CFAP58: variants seen among roughly 807,000 people sequenced by gnomAD.
CFAP58 encodes the protein cilia and flagella associated protein 58, also known as cilia- and flagella-associated protein 58.
In CFAP58, 88 loss-of-function variants were observed where a neutral mutation model predicts 119.5. The ratio of observed to expected loss-of-function variants is 0.74; its 90% CI spans 0.62 to 0.88. The LOEUF (loss-of-function observed/expected upper bound fraction) is 0.88, where lower values mean the gene tolerates loss of function less well. Among genes scored for constraint, CFAP58 ranks in the 40% least tolerant of loss-of-function variants. The probability of loss-of-function intolerance (pLI) is 0.00; values close to 1 mark genes in which losing one functional copy is unlikely to be tolerated. For missense variants in CFAP58, 990 were observed against 1,021.2 expected, an observed-to-expected ratio of 0.97 and a Z score of 0.42; for synonymous variants, 365 against 366.3, an observed-to-expected ratio of 1.00 and a Z score of 0.04.
At chr10:104,447,101 C>T (rs1430457340) in intron 15 of CFAP58, among the ~76,000 whole-genome samples, 8 of 151,878 alleles carry the variant, frequency 5.3e-5, no homozygotes, top group Admixed American at 5.3e-4. Flanking sequence ...ATGATCTTCT[C>T]ACCTCAGCCT....
chr10:104,347,045 A>C, the CFAP58 span, among the ~76,000 whole-genome samples: 4 of 152,062 alleles, frequency 2.6e-5, no homozygotes, highest in East Asian at 7.7e-4. Flanking sequence ...AGAAGCACCA[A>C]CTGAATGATC....
chr10:104,449,874 A>T (rs2013167057), intron 16 of CFAP58, among the ~76,000 whole-genome samples, 197 bp from the exon 17 acceptor site: 1 of 152,134 alleles, frequency 6.6e-6, no homozygotes, highest in African/African-American at 2.4e-5. Context: ...GTTGCAACCT[A>T]GTGATGCATC....
chr10:104,375,635 C>A (rs2011642556), intron 7 of CFAP58, among the ~76,000 whole-genome samples: 1 of 152,170 alleles, frequency 6.6e-6, no homozygotes, highest in South Asian at 2.1e-4. Context: ...TGACACAGAC[C>A]TCAGGAGGTC....
Position 104,383,182 on chromosome 10 carries a change from G to A in CFAP58, c.1365+2962G>A, listed in dbSNP as rs192444298. The stretch of plus-strand genomic sequence containing the variant: ...TCACCCTTCGAGACCTAACTCAAAT[G>A]CTCAGGTCAAGCTCCCTCTGGTTCC... On this transcript the variant is annotated intron_variant, in intron 9 of 17. Coordinates refer to ENST00000369704, the MANE Select transcript of CFAP58 (RefSeq NM_001008723.2). Among the ~76,000 whole-genome samples, 7 of 152,232 alleles carry A rather than the reference G, an allele frequency of 4.6e-5. No homozygotes were observed. In the East Asian group the frequency reaches 1.4e-3, roughly 29 times the overall value.
At chr10:104,355,325 T>G (rs2014529689) in intron 1 of CFAP58, among the ~76,000 whole-genome samples, 2 of 152,246 alleles carry the variant, frequency 1.3e-5, no homozygotes, top group South Asian at 4.1e-4. Flanking sequence ...CTCATTTCCT[T>G]GGCTCTGCCC....
intron 5 of CFAP58, among the ~76,000 whole-genome samples, chr10:104,366,351 A>C (rs1380730235): frequency 1.3e-5 from 2 of 152,132 alleles, no homozygotes; most frequent in African/African-American, 4.8e-5. Context: ...CAGCCAGAGA[A>C]ACAGAACATT....
At chr10:104,362,897 G>C (rs772243756) in intron 3 of CFAP58, among the ~76,000 whole-genome samples, 62 of 152,272 alleles carry the variant, frequency 4.1e-4, no homozygotes, top group Non-Finnish European at 6.8e-4. Context: ...TTGAGAACCT[G>C]CCCCAGTCAG....
intron 9 of CFAP58, among the ~76,000 whole-genome samples, chr10:104,384,320 T>G (rs1260335610): frequency 2.0e-5 from 3 of 152,244 alleles, no homozygotes; most frequent in Admixed American, 6.5e-5. Context: ...CATGTCACTG[T>G]GTTTCCAGCT....
At chr10:104,435,487 T>C (rs2012918281) in intron 15 of CFAP58, among the ~76,000 whole-genome samples, 4 of 152,144 alleles carry the variant, frequency 2.6e-5, no homozygotes, top group Admixed American at 2.6e-4. Context: ...GTCTCTGACA[T>C]AAATAAACAG....
At chr10:104,388,549 T>C (rs535022943) in intron 9 of CFAP58, among the ~76,000 whole-genome samples, 10 of 152,288 alleles carry the variant, frequency 6.6e-5, no homozygotes, top group South Asian at 2.1e-4. Context: ...CGCATAGTTG[T>C]TTTCTATTAT....
chr10:104,454,348 C>T (rs1404060826), intron 17 of CFAP58, 74 bp from the exon 18 acceptor site: 1 of 1,185,092 alleles, frequency 8.4e-7, no homozygotes, highest in Non-Finnish European at 1.3e-6. Context: ...GGCTAACACA[C>T]CCTAGGATTA....
intron 11 of CFAP58, among the ~76,000 whole-genome samples, chr10:104,394,927 C>T (rs2012121707): frequency 6.6e-6 from 1 of 152,194 alleles, no homozygotes; most frequent in Non-Finnish European, 1.5e-5. Flanking sequence ...AACATTGCTT[C>T]ACCCATGAGT....
chr10:104,450,924 T>C (rs1053929363), intron 17 of CFAP58, among the ~76,000 whole-genome samples: 5 of 152,088 alleles, frequency 3.3e-5, no homozygotes, highest in African/African-American at 1.2e-4. Flanking sequence ...TGTGGAGGGT[T>C]GATGTGACCT....
In CFAP58 at chr10:104,376,783, T is replaced by C. The variant is rs761317906; in HGVS notation, c.1091-28T>C. ...TTCTCTTAGGTCGACTCTACGTTTA[T>C]TATTATTTTTTCTCCCTGGGGATTC... On this transcript the variant is annotated intron_variant, in intron 7 of 17. Transcript: ENST00000369704. The C allele has an allele frequency of 7.0e-6, 11 of 1,580,066 alleles. No homozygotes were observed. The East Asian group carries it at 2.2e-4, about 32-fold the overall frequency.
At position 104,357,845 on chromosome 10, in the gene CFAP58, GTACACATA is replaced by G. The variant is rs2014573390; in HGVS notation, c.10-493_10-486del. On this transcript the variant is annotated intron_variant, in intron 1 of 17. Coordinates refer to ENST00000369704, the MANE Select transcript of CFAP58 (RefSeq NM_001008723.2). ...TATATACACATATATGTACACATAT[GTACACATA>G]TATACACATATATACACATATATGT... is the stretch of plus-strand genomic sequence containing the variant. 7.7e-5 allele frequency among the ~76,000 whole-genome samples: 7 copies of G among 91,500 alleles called. 1 individual carries two copies. Among genetic ancestry groups the G allele is most frequent in the African/African-American group, 4.5e-4 (7 of 15,430 alleles). 60.0% of individuals were successfully genotyped at this position (91,500 alleles called of 152,430 possible). A position where few individuals can be genotyped will look rare whatever the true frequency, so the allele number is the denominator to read the frequency against.
chr10:104,364,467 C>CACACAT (rs1564879366), intron 3 of CFAP58, among the ~76,000 whole-genome samples: 7 of 151,566 alleles, frequency 4.6e-5, no homozygotes, highest in African/African-American at 1.7e-4. Flanking sequence ...CACACACACA[C>CACACAT]ACACTCTCAC....
At position 104,399,441 on chromosome 10, in the gene CFAP58, C is replaced by T; in HGVS notation, c.1756C>T (p.Leu586=). The T allele has an allele frequency of 6.2e-7, 1 of 1,613,904 alleles. No homozygotes were observed. The highest frequency in any genetic ancestry group is 8.5e-7 in the Non-Finnish European group (1 of 1,179,922). Residue 586 remains leucine, a synonymous_variant, in exon 12 of 18, where the codon CTG becomes TTG. Transcript: ENST00000369704. ...EKQEAEERKL[L]RIIAEADGER... The stretch of plus-strand genomic sequence containing the variant: ...GCAAGAAGCTGAAGAGAGAAAACTC[C>T]TGCGAATAATTGCTGAGGCTGACGG...
intron 9 of CFAP58, among the ~76,000 whole-genome samples, chr10:104,383,965 C>T (rs1012521345): frequency 2.6e-5 from 4 of 151,912 alleles, no homozygotes; most frequent in Non-Finnish European, 4.4e-5. Flanking sequence ...AAAACTGAAT[C>T]TAATGAAAAA....
chr10:104,424,678 C>T (rs1036020840), intron 15 of CFAP58, among the ~76,000 whole-genome samples: 2 of 152,086 alleles, frequency 1.3e-5, no homozygotes, highest in Non-Finnish European at 2.9e-5. Context: ...GTAAACAATA[C>T]ACAATGACAC....
Sources: gnomAD v4.1 joint callset for allele counts (sites outside exome capture counted in the v4.1 genomes callset) on GRCh38, gnomAD v4.1.1 for gene constraint, MANE v1.5 for transcripts, NCBI Gene and HGNC (gene_info 2026-07-23, HGNC 2026-07-21) for gene names.